PTCH1: variants seen among roughly 807,000 people sequenced by gnomAD.
PTCH1 encodes protein patched homolog 1.
Under a neutral mutation model 144.6 loss-of-function variants are expected in PTCH1, and 14 were observed. The observed-to-expected ratio is 0.10, with a 90% CI of 0.06 to 0.15. PTCH1 has a LOEUF of 0.15. PTCH1 is among the 10% of genes least tolerant of loss of function. PTCH1 has a pLI of 1.00. For missense variants in PTCH1, 1,623 were observed against 1,948.3 expected, an observed-to-expected ratio of 0.83 and a Z score of 3.14; for synonymous variants, 833 against 793.6, an observed-to-expected ratio of 1.05 and a Z score of -0.83.
Position 95,506,327 on chromosome 9 carries a change from G to C in PTCH1, c.394+80C>G, listed in dbSNP as rs540874317. 5.4e-6 allele frequency: 8 copies of C among 1,483,734 alleles called. 1 individual carries two copies. In the African/African-American group the frequency reaches 6.9e-5, roughly 13 times the overall value. The allele number at this position is 1,483,734 out of a possible 1,614,324, so 91.9% of individuals were successfully genotyped here. On this transcript the variant is annotated intron_variant, in intron 2 of 23. Coordinates refer to ENST00000331920, the MANE Select transcript of PTCH1 (RefSeq NM_000264.5). ...TTTCGCCGGCCGCAGCCAGGCTCTA[G>C]GTGTGCGCTGGCGAATATCTCTATC...
chr9:95,507,908 A>ACACACACG, intron 1 of PTCH1: 1 of 1,356,412 alleles, frequency 7.4e-7, no homozygotes, highest in Non-Finnish European at 9.6e-7. Flanking sequence ...GTGTGTATAC[A>ACACACACG]CACACACACA....
intron 6 of PTCH1, 113 bp from the exon 7 acceptor site, chr9:95,480,203 G>A (rs529675671): frequency 3.2e-6 from 5 of 1,564,552 alleles, no homozygotes; most frequent in Non-Finnish European, 4.4e-6. Context: ...TTAATAGCAA[G>A]GCTAATGGGA....
chr9:95,511,944 C>T (rs1010644629), upstream of PTCH1, among the ~76,000 whole-genome samples: 1 of 152,186 alleles, frequency 6.6e-6, no homozygotes, highest in African/African-American at 2.4e-5. Flanking sequence ...CTATGTTTGT[C>T]TTTTCAAACT....
chr9:95,511,550 C>G (rs1442912611), upstream of PTCH1, among the ~76,000 whole-genome samples: 3 of 152,158 alleles, frequency 2.0e-5, no homozygotes, highest in African/African-American at 7.2e-5. Flanking sequence ...AAACTCAGAC[C>G]GCTTAAGGAG....
chr9:95,490,082 G>T (rs1333970068), intron 2 of PTCH1, among the ~76,000 whole-genome samples: 1 of 151,738 alleles, frequency 6.6e-6, no homozygotes, highest in Non-Finnish European at 1.5e-5. Context: ...GATTACAGGC[G>T]TGAGCCACTG....
In PTCH1 at chr9:95,478,387, G is replaced by A. The variant is rs56319001; in HGVS notation, c.1216-201C>T. Reference sequence around the variant, plus strand: ...AACCCTGTTTTAGGACAAGGGCCATGGCTAATCAGTGGCAGTGGGTGCTGC... The same window carrying A: ...AACCCTGTTTTAGGACAAGGGCCATAGCTAATCAGTGGCAGTGGGTGCTGC... On this transcript the variant is annotated intron_variant, in intron 8 of 23. Transcript: ENST00000331920. Among the ~76,000 whole-genome samples the A allele has an allele frequency of 0.015, 2,252 of 152,268 alleles. 64 individuals carry two copies. The highest frequency in any genetic ancestry group is 0.052 in the African/African-American group (2,155 of 41,538).
intron 5 of PTCH1, among the ~76,000 whole-genome samples, chr9:95,481,617 G>A (rs1841539680): frequency 6.6e-6 from 1 of 152,152 alleles, no homozygotes; most frequent in Non-Finnish European, 1.5e-5. Flanking sequence ...TAAAAAATAA[G>A]TGTCTAAATG....
At chr9:95,469,674 G>T in intron 13 of PTCH1, 139 bp downstream of exon 13, 2 of 894,012 alleles carry the variant, frequency 2.2e-6, no homozygotes, top group Non-Finnish European at 3.7e-6. Flanking sequence ...AGCAGCCTCT[G>T]TCCAATCTCT....
chr9:95,501,172 G>T (rs1236289377), intron 2 of PTCH1, among the ~76,000 whole-genome samples: 1 of 151,952 alleles, frequency 6.6e-6, no homozygotes, highest in Non-Finnish European at 1.5e-5. Flanking sequence ...AAACCAGTGG[G>T]TCTCAATCGT....
chr9:95,506,176 C>T, intron 2 of PTCH1: 1 of 397,378 alleles, frequency 2.5e-6, no homozygotes, highest in Non-Finnish European at 4.4e-6. Flanking sequence ...GCCCCCGCCG[C>T]TCTCTCCCAC....
chr9:95,509,430 G>C (rs544219818), upstream of PTCH1, among the ~76,000 whole-genome samples: 1 of 152,204 alleles, frequency 6.6e-6, no homozygotes, highest in Non-Finnish European at 1.5e-5. Context: ...AAAGTAGAGA[G>C]ACCACCCAGG....
At chr9:95,485,165 C>T (rs1055927843) in intron 3 of PTCH1, among the ~76,000 whole-genome samples, 11 of 152,236 alleles carry the variant, frequency 7.2e-5, no homozygotes, top group African/African-American at 2.6e-4. Context: ...GAGATTACAT[C>T]ACTGCACTCC....
Position 95,479,135 on chromosome 9 carries a change from C to A in PTCH1, c.1080G>T (p.Leu360=), listed in dbSNP as rs2066839. 2 of 1,614,064 alleles carry A rather than the reference C, an allele frequency of 1.2e-6. No individual in the cohort carries two copies. The highest frequency in any genetic ancestry group is 1.7e-6 in the Non-Finnish European group (2 of 1,180,018). The change falls in exon 8 of 24, where the codon CTG becomes CTT. Residue 360 remains leucine (L), a synonymous_variant. Transcript: ENST00000331920. ...STGKLVSAHA[L]QTMFQLMTPK... is the part of the protein sequence containing the mutation. Reference sequence around the variant, plus strand: ...GAGTCATTAACTGGAACATGGTCTGCAGGGCATGGGCGCTGCAGCACAGTC... The same window carrying A: ...GAGTCATTAACTGGAACATGGTCTGAAGGGCATGGGCGCTGCAGCACAGTC...
exon 1 of PTCH1, chr9:95,516,556 C>T: frequency 6.5e-7 from 1 of 1,545,608 alleles, no homozygotes; most frequent in South Asian, 1.2e-5. Flanking sequence ...CTTTTTTTTC[C>T]CTGGCCCCCC....
chr9:95,477,349 C>G (rs1422532653), intron 10 of PTCH1, among the ~76,000 whole-genome samples, 198 bp downstream of exon 10: 2 of 152,198 alleles, frequency 1.3e-5, no homozygotes, highest in African/African-American at 4.8e-5. Flanking sequence ...ATAAGCCCAA[C>G]AGACTTCCTA....
At chr9:95,479,682 A>C (rs1364318205) in intron 7 of PTCH1, among the ~76,000 whole-genome samples, 3 of 152,168 alleles carry the variant, frequency 2.0e-5, no homozygotes, top group African/African-American at 7.2e-5. Context: ...CCTACTTTAC[A>C]CCTGCTCCCA....
intron 1 of PTCH1, among the ~76,000 whole-genome samples, chr9:95,515,677 T>A (rs557526045): frequency 6.6e-6 from 1 of 152,276 alleles, no homozygotes; most frequent in African/African-American, 2.4e-5. Flanking sequence ...CTCTGCACTC[T>A]AAGCACTGGG....
intron 12 of PTCH1, among the ~76,000 whole-genome samples, chr9:95,475,618 C>T (rs1329944525): frequency 6.6e-6 from 1 of 152,066 alleles, no homozygotes; most frequent in African/African-American, 2.4e-5. Context: ...GAAAAGGTAG[C>T]CTGTTTGGGA....
At position 95,481,978 on chromosome 9, in the gene PTCH1, C is replaced by T. The variant is rs775723196; in HGVS notation, c.717G>A (p.Ala239=). 18 of 1,613,448 alleles carry T rather than the reference C, an allele frequency of 1.1e-5. No homozygotes were observed. The highest frequency in any genetic ancestry group is 3.3e-4 in the Middle Eastern group (2 of 6,084). ...GGTATGCTGTCCCAGACTGTAATTT[C>T]GCCCCTTCCCAGAAGCAGTCCAAAG... The part of the protein sequence containing the change: ...ITPLDCFWEG[A]KLQSGTAYLL... The change falls in exon 5 of 24, where the codon GCG becomes GCA. Residue 239 remains alanine (A), a synonymous_variant. Transcript: ENST00000331920.
Sources: allele counts gnomAD v4.1 joint callset (sites outside exome capture counted in the v4.1 genomes callset), GRCh38; gene constraint gnomAD v4.1.1; transcripts MANE v1.5; gene names NCBI Gene and HGNC (gene_info 2026-07-23, HGNC 2026-07-21).